SCRG1: variants seen among roughly 807,000 people sequenced by gnomAD.
SCRG1 encodes scrapie-responsive protein 1.
In SCRG1, 3 loss-of-function variants were observed where a neutral mutation model predicts 7.7. The observed-to-expected ratio is 0.39, with a 90% CI of 0.18 to 1.01. The LOEUF (loss-of-function observed/expected upper bound fraction) is 1.01. Among genes scored for constraint, SCRG1 ranks in the 50% least tolerant of loss-of-function variants. The probability of loss-of-function intolerance (pLI) is 0.36; values close to 1 mark genes in which losing one functional copy is unlikely to be tolerated. For synonymous variants in SCRG1, 46 were observed against 41.2 expected, an observed-to-expected ratio of 1.12 and a Z score of -0.44; for missense variants, 110 against 117.2, an observed-to-expected ratio of 0.94 and a Z score of 0.28.
the SCRG1 span, among the ~76,000 whole-genome samples, chr4:173,443,943 T>TGTGTGTG: frequency 7.2e-6 from 1 of 138,696 alleles, no homozygotes; most frequent in South Asian, 2.5e-4. Flanking sequence ...AGAGCTTGTT[T>TGTGTGTG]TGTGTGTGTG....
chr4:173,483,684 T>G, the SCRG1 span, among the ~76,000 whole-genome samples: 121 of 5,946 alleles, frequency 0.02, 41 homozygotes, highest in African/African-American at 0.043. Flanking sequence ...TATGATATAT[T>G]ATATTGTGAT....
the SCRG1 span, among the ~76,000 whole-genome samples, chr4:173,479,022 G>A: frequency 4.6e-3 from 703 of 152,308 alleles, 2 homozygotes; most frequent in Non-Finnish European, 7.9e-3. Context: ...TCTACTAGCC[G>A]TCATTCCCAC....
At chr4:173,441,465 T>C in the SCRG1 span, among the ~76,000 whole-genome samples, 1 of 152,192 alleles carries the variant, frequency 6.6e-6, no homozygotes, top group Non-Finnish European at 1.5e-5. Context: ...CCACCCCCTC[T>C]GTCCTGATTC....
At chr4:173,466,256 A>C in the SCRG1 span, among the ~76,000 whole-genome samples, 1 of 152,178 alleles carries the variant, frequency 6.6e-6, no homozygotes, top group Non-Finnish European at 1.5e-5. Context: ...CTGGGTCTAC[A>C]GTCATTTGTC....
At chr4:173,402,019 C>T (rs1368448846), upstream of SCRG1, among the ~76,000 whole-genome samples, 2 of 152,128 alleles carry the variant, frequency 1.3e-5, no homozygotes, top group Non-Finnish European at 2.9e-5. Flanking sequence ...TAAATGGAGC[C>T]TTAAGGCCTT....
exon 2 of SCRG1, chr4:173,404,347 T>C (rs1739845797): frequency 6.6e-6 from 1 of 152,248 alleles, no homozygotes; most frequent in African/African-American, 2.4e-5. Context: ...TTTACTGTGT[T>C]TCCTCCGTCC....
chr4:173,507,066 C>T, the SCRG1 span, among the ~76,000 whole-genome samples: 2 of 152,222 alleles, frequency 1.3e-5, no homozygotes, highest in South Asian at 4.1e-4. This position sits in a 1 kb window ranked among gnomAD's most constrained non-coding sequence, Gnocchi z 4.4. Flanking sequence ...GGGGGCATTG[C>T]CCTCTGCAGC....
chr4:173,483,713 A>G, the SCRG1 span, among the ~76,000 whole-genome samples: 2 of 7,642 alleles, frequency 2.6e-4, 1 homozygote, highest in African/African-American at 6.4e-4. Context: ...TATATGATAT[A>G]TTATATTGTG....
chr4:173,430,938 G>A, the SCRG1 span, among the ~76,000 whole-genome samples: 1 of 151,576 alleles, frequency 6.6e-6, no homozygotes, highest in East Asian at 1.9e-4. Context: ...AAAATAGTAT[G>A]TTTACAAAGG....
chr4:173,482,367 T>C, the SCRG1 span, among the ~76,000 whole-genome samples: 6 of 152,162 alleles, frequency 3.9e-5, no homozygotes, highest in African/African-American at 7.2e-5. Context: ...ACATATGTCA[T>C]GTGTACTAGT....
At chr4:173,453,971 G>A in the SCRG1 span, among the ~76,000 whole-genome samples, 1 of 151,992 alleles carries the variant, frequency 6.6e-6, no homozygotes, top group Non-Finnish European at 1.5e-5. Flanking sequence ...CCAGCTACTC[G>A]GGAGGCTGAG....
chr4:173,506,954 G>C, the SCRG1 span, among the ~76,000 whole-genome samples: 1 of 152,240 alleles, frequency 6.6e-6, no homozygotes, highest in African/African-American at 2.4e-5. This position sits in a 1 kb window ranked among gnomAD's most constrained non-coding sequence, Gnocchi z 5.3. Context: ...CATCAAGCCC[G>C]GCTATGAGCA....
rs1739439666 is a variant in SCRG1 at position 173,391,352 on chromosome 4, C to T, written c.63G>A (p.Met21Ile). 1 of 1,614,176 alleles carries T rather than the reference C, an allele frequency of 6.2e-7. No homozygotes were observed. The highest frequency in any genetic ancestry group is 1.3e-5 in the African/African-American group (1 of 75,046). ...GLTLLLGVQA[M>I]PANRLSCYRK... Reference sequence around the variant, plus strand: ...TGTAGCAAGAGAGGCGATTTGCAGGCATGGCTTGAACTCCTAGCAGCAAAG... The same window carrying T: ...TGTAGCAAGAGAGGCGATTTGCAGGTATGGCTTGAACTCCTAGCAGCAAAG... The change falls in exon 2 of 3, where the codon ATG becomes ATA. Residue 21 changes from methionine to isoleucine, a missense_variant. Physicochemically the swap from Met to Ile is conservative, Grantham distance 10 (BLOSUM62 1). Coordinates refer to ENST00000296506, the MANE Select transcript of SCRG1 (RefSeq NM_007281.4).
chr4:173,471,735 T>C, the SCRG1 span, among the ~76,000 whole-genome samples: 1 of 152,112 alleles, frequency 6.6e-6, no homozygotes, highest in Admixed American at 6.5e-5. Flanking sequence ...TTGTTTTGCT[T>C]TTTTGCTCTT....
At chr4:173,406,300 T>C (rs965873563) in exon 1 of SCRG1, 1 of 152,258 alleles carries the variant, frequency 6.6e-6, no homozygotes, top group Non-Finnish European at 1.5e-5. Context: ...ACAGTGTTTA[T>C]ATACGGTGTC....
chr4:173,493,616 G>GAAAAAAAAAAAAAAAAA, the SCRG1 span, among the ~76,000 whole-genome samples: 1 of 95,690 alleles, frequency 1.0e-5, no homozygotes. Flanking sequence ...GACTCAGTCA[G>GAAAAAAAAAAAAAAAAA]AAAAAAAAAA....
the SCRG1 span, among the ~76,000 whole-genome samples, chr4:173,442,329 C>A: frequency 6.6e-6 from 1 of 152,322 alleles, no homozygotes; most frequent in East Asian, 1.9e-4. Context: ...TGATGTGCCT[C>A]TTAGAGCTTC....
At chr4:173,407,684 T>C (rs1739944396), upstream of SCRG1, among the ~76,000 whole-genome samples, 1 of 152,238 alleles carries the variant, frequency 6.6e-6, no homozygotes, top group Non-Finnish European at 1.5e-5. Flanking sequence ...TTCTCAAATA[T>C]AGCTATTTTA....
chr4:173,404,825 T>G (rs1739860433), intron 1 of SCRG1, among the ~76,000 whole-genome samples: 1 of 152,242 alleles, frequency 6.6e-6, no homozygotes, highest in African/African-American at 2.4e-5. Context: ...TTTATTGCTC[T>G]TCTACTTCCC....
Sources: gnomAD v4.1 joint callset for allele counts (sites outside exome capture counted in the v4.1 genomes callset) on GRCh38, gnomAD v4.1.1 for gene constraint, Gnocchi (gnomAD v3.1) non-coding constraint, MANE v1.5 for transcripts, NCBI Gene and HGNC (gene_info 2026-07-23, HGNC 2026-07-21) for gene names.